The following TCF7L2 variants were observed in gnomAD, a reference collection of about 807,000 sequenced individuals.
TCF7L2 encodes the protein transcription factor 7 like 2.
In TCF7L2, 23 loss-of-function variants were observed where a neutral mutation model predicts 77.9. The ratio of observed to expected loss-of-function variants is 0.30; its 90% CI spans 0.21 to 0.42. The LOEUF (loss-of-function observed/expected upper bound fraction) is 0.42. Ranked by LOEUF, TCF7L2 falls within the 10% of genes least tolerant of loss-of-function variation. The pLI is 1.00. For synonymous variants in TCF7L2, 413 were observed against 340.2 expected (o/e 1.21, Z -2.36); for missense variants, 654 against 793.1 (o/e 0.82, Z 2.11).
chr10:113,141,103 G>T (rs2136828229), intron 5 of TCF7L2, 81 bp from the exon 6 acceptor site: 1 of 1,568,304 alleles, frequency 6.4e-7, no homozygotes, highest in Non-Finnish European at 8.7e-7. Context: ...GTGGCCAAGG[G>T]AACCCACGGG....
At position 113,151,895 on chromosome 10, in the gene TCF7L2, C is replaced by A. The variant is rs201902808; in HGVS notation, c.1161+11C>A. On this transcript the variant is annotated intron_variant, in intron 10 of 13. Transcript: ENST00000627217. The surrounding 1 kb of genome is among the most constrained non-coding windows in gnomAD (Gnocchi z 5.2). Reference sequence around the variant, plus strand: ...ATCCTTGGGCGGAGGGTAGGTGACGCCCTTCTCAGGGAGAAGCGGGGGGCG... The same window carrying A: ...ATCCTTGGGCGGAGGGTAGGTGACGACCTTCTCAGGGAGAAGCGGGGGGCG... 1 of 1,591,284 alleles carries A rather than the reference C, an allele frequency of 6.3e-7. No homozygotes were observed. The highest frequency in any genetic ancestry group is 2.2e-5 in the East Asian group (1 of 44,760).
chr10:113,075,062 C>A (rs12570357), intron 5 of TCF7L2, among the ~76,000 whole-genome samples: 33,209 of 152,166 alleles, frequency 0.22, 4,209 homozygotes, highest in South Asian at 0.31. Flanking sequence ...GATCATAACT[C>A]ACTGTAACCT....
chr10:113,103,919 G>A (rs1267430705), intron 5 of TCF7L2, among the ~76,000 whole-genome samples: 1 of 152,176 alleles, frequency 6.6e-6, no homozygotes, highest in African/African-American at 2.4e-5. Context: ...AGGGAGCTGG[G>A]TCAGTGTAGC....
chr10:113,146,746 T>C (rs546350205), intron 8 of TCF7L2, among the ~76,000 whole-genome samples: 81 of 152,324 alleles, frequency 5.3e-4, no homozygotes, highest in African/African-American at 1.9e-3. Context: ...TAAGATGTTA[T>C]GTTCTTTTTT....
At chr10:113,114,758 A>G (rs1252814864) in intron 5 of TCF7L2, among the ~76,000 whole-genome samples, 1 of 152,230 alleles carries the variant, frequency 6.6e-6, no homozygotes, top group Non-Finnish European at 1.5e-5. Context: ...AGCGATTTCA[A>G]GGCCTAGACT....
intron 4 of TCF7L2, among the ~76,000 whole-genome samples, chr10:112,992,633 G>T (rs948033239): frequency 2.6e-5 from 4 of 152,266 alleles, no homozygotes; most frequent in Non-Finnish European, 4.4e-5. Context: ...CTCAGGATAG[G>T]AGGTGGTTGG....
chr10:113,118,337 T>C (rs1002984133), intron 5 of TCF7L2, among the ~76,000 whole-genome samples: 1 of 152,084 alleles, frequency 6.6e-6, no homozygotes, highest in African/African-American at 2.4e-5. Context: ...GAGGGGAAAT[T>C]TTACTGGAAA....
At chr10:112,971,249 C>G (rs915871827) in intron 4 of TCF7L2, among the ~76,000 whole-genome samples, 27 of 152,190 alleles carry the variant, frequency 1.8e-4, no homozygotes, top group Admixed American at 1.7e-3. Context: ...CACCCCGTTC[C>G]CAAACTGAGT....
chr10:113,014,068 GT>G (rs1431305050), intron 4 of TCF7L2, among the ~76,000 whole-genome samples: 1 of 152,250 alleles, frequency 6.6e-6, no homozygotes, highest in Non-Finnish European at 1.5e-5. Flanking sequence ...AAGAAGTTGA[GT>G]TAACACAGGA....
intron 12 of TCF7L2, 60 bp downstream of exon 14, chr10:113,160,052 C>T (rs2072876783): frequency 6.7e-7 from 1 of 1,485,360 alleles, no homozygotes; most frequent in East Asian, 2.3e-5. Flanking sequence ...CGATCCTCTC[C>T]CCCTTCTCTG....
chr10:113,160,838 G>A, intron 13 of TCF7L2: 1 of 767,274 alleles, frequency 1.3e-6, no homozygotes. Context: ...AAATTTCCTT[G>A]CTAATTTTAT....
At chr10:112,957,506 G>A (rs917634267) in intron 3 of TCF7L2, among the ~76,000 whole-genome samples, 1 of 152,078 alleles carries the variant, frequency 6.6e-6, no homozygotes, top group African/African-American at 2.4e-5. Flanking sequence ...GCGGGAGGAG[G>A]CACAGAAAAG....
At chr10:113,047,370 G>A in intron 5 of TCF7L2, among the ~76,000 whole-genome samples, 1 of 152,110 alleles carries the variant, frequency 6.6e-6, no homozygotes, top group East Asian at 1.9e-4. Flanking sequence ...AGGCTTCTTT[G>A]GAGAGAGACA....
chr10:113,089,164 C>T (rs891992358), intron 5 of TCF7L2, among the ~76,000 whole-genome samples: 12 of 152,110 alleles, frequency 7.9e-5, no homozygotes, highest in African/African-American at 2.9e-4. Flanking sequence ...GAATACACAA[C>T]AGGAAGGCTG....
chr10:113,065,757 A>T (rs1591237540), intron 5 of TCF7L2, among the ~76,000 whole-genome samples: 1 of 152,314 alleles, frequency 6.6e-6, no homozygotes, highest in East Asian at 1.9e-4. Context: ...AAGGAAAATA[A>T]TAACTACCTC....
chr10:113,096,972 G>A (rs988404841), intron 5 of TCF7L2, among the ~76,000 whole-genome samples: 1 of 152,086 alleles, frequency 6.6e-6, no homozygotes, highest in Admixed American at 6.5e-5. Flanking sequence ...CTACCCCACC[G>A]GTCACTGGGT....
intron 4 of TCF7L2, among the ~76,000 whole-genome samples, chr10:113,019,294 C>T (rs1171712262): frequency 6.6e-6 from 1 of 152,136 alleles, no homozygotes; most frequent in East Asian, 1.9e-4. Context: ...GGTTAACAGT[C>T]GCTCCTGCTT....
intron 4 of TCF7L2, among the ~76,000 whole-genome samples, chr10:112,997,419 A>G (rs951767805): frequency 1.3e-5 from 2 of 152,218 alleles, no homozygotes; most frequent in African/African-American, 4.8e-5. Context: ...GAAGGCTGAG[A>G]AACACCAGGC....
chr10:113,086,424 T>A (rs2059840037), intron 5 of TCF7L2, among the ~76,000 whole-genome samples: 1 of 152,168 alleles, frequency 6.6e-6, no homozygotes, highest in African/African-American at 2.4e-5. Context: ...CAGTTGGTTT[T>A]ACTGCACAGA....
Sources: allele counts gnomAD v4.1 joint callset (sites outside exome capture counted in the v4.1 genomes callset), GRCh38; gene constraint gnomAD v4.1.1; non-coding constraint Gnocchi (gnomAD v3.1); transcripts MANE v1.5; gene names NCBI Gene and HGNC (gene_info 2026-07-23, HGNC 2026-07-21).